CDIN1: variants seen among roughly 807,000 people sequenced by gnomAD.
CDIN1 encodes the protein CDAN1 interacting nuclease 1.
In CDIN1, 33 loss-of-function variants were observed where a neutral mutation model predicts 45.3. That is an observed-to-expected ratio of 0.73 (90% CI 0.55 to 0.97). The LOEUF is 0.97. CDIN1 is among the 50% of genes least tolerant of loss of function. The probability of loss-of-function intolerance (pLI) is 0.00; values close to 1 mark genes in which losing one functional copy is unlikely to be tolerated. For synonymous variants in CDIN1, 118 were observed against 124.4 expected (o/e 0.95, Z 0.34); for missense variants, 303 against 339.4 (o/e 0.89, Z 0.84).
chr15:36,687,652 T>G (rs1287918335), intron 5 of CDIN1, among the ~76,000 whole-genome samples: 1 of 151,942 alleles, frequency 6.6e-6, no homozygotes, highest in Non-Finnish European at 1.5e-5. Flanking sequence ...GGCAGAATTA[T>G]AAGGAGAAAC....
At chr15:36,739,516 G>C (rs968065381) in intron 10 of CDIN1, among the ~76,000 whole-genome samples, 1 of 152,176 alleles carries the variant, frequency 6.6e-6, no homozygotes. Flanking sequence ...TGCAATTTCT[G>C]AGAGAAATAA....
At chr15:36,700,490 T>C (rs184720264) in intron 8 of CDIN1, among the ~76,000 whole-genome samples, 266 of 152,158 alleles carry the variant, frequency 1.7e-3, no homozygotes, top group African/African-American at 6.2e-3. Context: ...CCTTTATGAA[T>C]GAAGAAAATG....
chr15:36,613,610 G>T, intron 1 of CDIN1: 2 of 1,452,610 alleles, frequency 1.4e-6, no homozygotes, highest in South Asian at 2.3e-5. Context: ...ACAGGCTGAG[G>T]CTGAGGTGGC....
At chr15:36,790,897 T>C (rs1319209554) in intron 10 of CDIN1, among the ~76,000 whole-genome samples, 1 of 152,202 alleles carries the variant, frequency 6.6e-6, no homozygotes, top group African/African-American at 2.4e-5. Flanking sequence ...GCTTGTTATA[T>C]AGGTATGCTT....
At chr15:36,740,810 AC>A (rs539459376) in intron 10 of CDIN1, among the ~76,000 whole-genome samples, 149 of 150,888 alleles carry the variant, frequency 9.9e-4, no homozygotes, top group Middle Eastern at 3.5e-3. Context: ...AATCGCTTGA[AC>A]CCAGGAGGCG....
At chr15:36,590,519 T>G (rs1489531013) in intron 1 of CDIN1, among the ~76,000 whole-genome samples, 1 of 152,214 alleles carries the variant, frequency 6.6e-6, no homozygotes, top group Non-Finnish European at 1.5e-5. Flanking sequence ...CCCTGCTAAT[T>G]GAGGCAATTC....
intron 1 of CDIN1, among the ~76,000 whole-genome samples, chr15:36,583,479 A>T (rs2037140085): frequency 6.6e-6 from 1 of 152,192 alleles, no homozygotes; most frequent in Non-Finnish European, 1.5e-5. Flanking sequence ...TTTAAAATGA[A>T]GGAGTAGGAC....
Position 36,701,106 on chromosome 15 carries a change from ATAGATAGATAGGTAGG to A in CDIN1, c.544+3728_544+3743del, listed in dbSNP as rs201821420. 3.2e-4 allele frequency among the ~76,000 whole-genome samples: 28 copies of A among 88,332 alleles called. 1 individual carries two copies. Among genetic ancestry groups the A allele is most frequent in the South Asian group, 8.8e-4 (2 of 2,284 alleles). 57.9% of individuals were successfully genotyped at this position (88,332 alleles called of 152,430 possible). ...GGTAGGTAGGTAGGTAGGTAGATAG[ATAGATAGATAGGTAGG>A]TAGATAGATAGATAGATAGATAGAT... is the stretch of plus-strand genomic sequence containing the variant. On this transcript the variant is annotated intron_variant, in intron 8 of 10. Coordinates refer to ENST00000566621, the MANE Select transcript of CDIN1 (RefSeq NM_001321759.2).
intron 3 of CDIN1, among the ~76,000 whole-genome samples, chr15:36,646,161 G>C (rs968687592): frequency 2.0e-5 from 3 of 151,974 alleles, no homozygotes; most frequent in Non-Finnish European, 4.4e-5. Context: ...ACCTTTCTGT[G>C]GTGAGAATGA....
chr15:36,794,986 A>T (rs1055965751), intron 10 of CDIN1, among the ~76,000 whole-genome samples: 4 of 152,250 alleles, frequency 2.6e-5, no homozygotes, highest in African/African-American at 9.6e-5. Context: ...TTGCAACAAC[A>T]TGGATGGAAC....
chr15:36,799,581 G>A (rs541414562), intron 10 of CDIN1: 1 of 152,172 alleles, frequency 6.6e-6, no homozygotes, highest in Non-Finnish European at 1.5e-5. Context: ...TTTCCAGGAA[G>A]ACTTCTAGAA....
At chr15:36,650,160 GC>G (rs1488752046) in intron 3 of CDIN1, among the ~76,000 whole-genome samples, 3 of 152,300 alleles carry the variant, frequency 2.0e-5, no homozygotes, top group Admixed American at 2.0e-4. Context: ...TCTAAACTTT[GC>G]TATTGATGGG....
intron 1 of CDIN1, among the ~76,000 whole-genome samples, chr15:36,633,254 T>C (rs997578476): frequency 2.0e-5 from 3 of 152,204 alleles, no homozygotes; most frequent in African/African-American, 7.2e-5. Context: ...AATACTGTTA[T>C]ACGTTTTCTT....
chr15:36,797,921 A>G (rs1182330979), intron 10 of CDIN1, among the ~76,000 whole-genome samples: 1 of 150,536 alleles, frequency 6.6e-6, no homozygotes, highest in Non-Finnish European at 1.5e-5. Context: ...CGGAGGTTGC[A>G]GTGAGCCAAG....
chr15:36,808,372 G>A lies in CDIN1; in HGVS notation c.765G>A (p.Leu255=), dbSNP rs1258856371. The change falls in exon 11 of 11, where the codon CTG becomes CTA. Residue 255 remains leucine, a synonymous_variant. Transcript: ENST00000566621. ...ATTGGTATGGATTTATCCAGGAGCT[G>A]GACTGCAACCGGGAAAGGGGCATCC... ...VIYWYGFIQE[L]DCNRERGILL... 5 of 1,613,472 alleles carry A rather than the reference G, an allele frequency of 3.1e-6. No individual in the cohort carries two copies. The highest frequency in any genetic ancestry group is 4.2e-6 in the Non-Finnish European group (5 of 1,179,636).
chr15:36,781,005 A>G (rs1006868326), intron 10 of CDIN1, among the ~76,000 whole-genome samples: 3 of 152,228 alleles, frequency 2.0e-5, no homozygotes, highest in Non-Finnish European at 2.9e-5. Context: ...AGGACGCCCC[A>G]AAGTCCAGGA....
At chr15:36,604,418 T>TACACAGACACACACACACACACACACAC (rs1555382540) in intron 1 of CDIN1, among the ~76,000 whole-genome samples, 1 of 128,860 alleles carries the variant, frequency 7.8e-6, no homozygotes, top group East Asian at 2.5e-4. Flanking sequence ...TTTTAAAAGG[T>TACACAGACACACACACACACACACACAC]ACACACACAC....
chr15:36,746,792 C>A, intron 10 of CDIN1: 4 of 143,714 alleles, frequency 2.8e-5, no homozygotes, highest in Non-Finnish European at 5.3e-5. Context: ...CAGGGTCTCA[C>A]TCTGTTGCCC....
intron 1 of CDIN1, among the ~76,000 whole-genome samples, chr15:36,604,553 A>C (rs2038273101): frequency 6.6e-6 from 1 of 151,976 alleles, no homozygotes; most frequent in African/African-American, 2.4e-5. Context: ...CTAATTTTGA[A>C]ATAGTCTCAT....
Sources: gnomAD v4.1 joint callset for allele counts (sites outside exome capture counted in the v4.1 genomes callset) on GRCh38, gnomAD v4.1.1 for gene constraint, MANE v1.5 for transcripts, NCBI Gene and HGNC (gene_info 2026-07-23, HGNC 2026-07-21) for gene names.